Variants in FNTB observed in about 807,000 individuals in gnomAD.
FNTB encodes the protein farnesyltransferase, CAAX box, subunit beta.
Under a neutral mutation model 59.4 loss-of-function variants are expected in FNTB, and 27 were observed. That is an observed-to-expected ratio of 0.45 (90% confidence interval 0.34 to 0.63). The LOEUF (loss-of-function observed/expected upper bound fraction) is 0.63. FNTB is among the 20% of genes least tolerant of loss of function. The probability of loss-of-function intolerance (pLI) is 0.02; values close to 1 mark genes in which losing one functional copy is unlikely to be tolerated. For missense variants in FNTB, 449 were observed against 559.6 expected (o/e 0.80, Z 1.99); for synonymous variants, 230 against 220.7 (o/e 1.04, Z -0.37).
intron 1 of FNTB, among the ~76,000 whole-genome samples, chr14:64,992,846 A>G (rs1566859939): frequency 2.0e-5 from 3 of 150,386 alleles, no homozygotes; most frequent in South Asian, 2.1e-4. Flanking sequence ...AATGATTTCT[A>G]TTTTTTTTTA....
rs983510769 is a variant in FNTB, at chr14:65,029,431, C to G, written c.605+1650C>G. On this transcript the variant is annotated intron_variant, in intron 6 of 11. Coordinates refer to ENST00000246166, the MANE Select transcript of FNTB (RefSeq NM_002028.4). The surrounding 1 kb of genome is among the most constrained non-coding windows in gnomAD (Gnocchi z 4.7). ...GCCCTTCTGGGATAGACAGCAGTCT[C>G]TGGATGATCTTTCTGCTCTGTTACA... 6.6e-6 allele frequency among the ~76,000 whole-genome samples: 1 copy of G among 152,198 alleles called. No homozygotes were observed. Among genetic ancestry groups the G allele is most frequent in the Non-Finnish European group, 1.5e-5 (1 of 68,038 alleles).
chr14:65,048,363 T>C (rs976615632), intron 9 of FNTB, among the ~76,000 whole-genome samples: 1 of 152,148 alleles, frequency 6.6e-6, no homozygotes, highest in Non-Finnish European at 1.5e-5. Context: ...AATTTTATTT[T>C]GGTAAATGTA....
intron 8 of FNTB, among the ~76,000 whole-genome samples, chr14:65,043,150 G>A (rs1019936314): frequency 5.3e-5 from 8 of 152,140 alleles, no homozygotes; most frequent in African/African-American, 9.7e-5. Flanking sequence ...CTGTAAGTCC[G>A]TGGCTGGAAC....
chr14:65,052,480 A>G (rs1318655864), intron 9 of FNTB, among the ~76,000 whole-genome samples: 1 of 152,212 alleles, frequency 6.6e-6, no homozygotes, highest in Non-Finnish European at 1.5e-5. Flanking sequence ...ATATATTTTT[A>G]ATCGATTTCT....
intron 9 of FNTB, among the ~76,000 whole-genome samples, chr14:65,049,523 G>T (rs570943820): frequency 6.6e-6 from 1 of 152,266 alleles, no homozygotes; most frequent in Non-Finnish European, 1.5e-5. Context: ...GTGTGCTGGT[G>T]TCCAAATTCA....
rs530573295 is a variant in FNTB at position 65,028,325 on chromosome 14, C to T, written c.605+544C>T. The stretch of plus-strand genomic sequence containing the variant: ...TTAGCTCGAAATTATTATTTTCTTC[C>T]ATAAGTGTCTGATGTACCAAGCAAG... On this transcript the variant is annotated intron_variant, in intron 6 of 11. Transcript: ENST00000246166. The surrounding 1 kb of genome is among the most constrained non-coding windows in gnomAD (Gnocchi z 4.4). Among the ~76,000 whole-genome samples the T allele has an allele frequency of 1.3e-5, 2 of 152,278 alleles. No individual in the cohort carries two copies. The highest frequency in any genetic ancestry group is 2.1e-4 in the South Asian group (1 of 4,824).
intron 4 of FNTB, among the ~76,000 whole-genome samples, chr14:65,022,336 A>G (rs1190798053): frequency 6.7e-6 from 1 of 148,302 alleles, no homozygotes. Context: ...TATAATTTTT[A>G]TAACTTATCC....
intron 3 of FNTB, among the ~76,000 whole-genome samples, chr14:65,013,326 T>G (rs527793897): frequency 0.033 from 990 of 29,758 alleles, 6 homozygotes; most frequent in Non-Finnish European, 0.043. Context: ...CTTTGTTTCC[T>G]TTTTTTTTTT....
intron 8 of FNTB, among the ~76,000 whole-genome samples, chr14:65,042,825 C>T (rs2062382555): frequency 6.6e-6 from 1 of 152,240 alleles, no homozygotes. Context: ...CGCCTGCTTT[C>T]TCTCTGCCTG....
intron 1 of FNTB, among the ~76,000 whole-genome samples, chr14:64,988,536 G>A (rs1888049140): frequency 6.9e-6 from 1 of 145,008 alleles, no homozygotes; most frequent in Non-Finnish European, 1.5e-5. Context: ...CCGGGTTCAC[G>A]CCATTCGCCT....
chr14:65,061,671 C>T lies in FNTB; in HGVS notation c.*359C>T, dbSNP rs146684676. ...GGCATCCAGAGCCACTGCTGACTCC[C>T]ACTTGCACGCCACCATTCAGTCACC... On this transcript the variant is annotated 3_prime_UTR_variant, in exon 12 of 12. Coordinates refer to ENST00000246166, the MANE Select transcript of FNTB (RefSeq NM_002028.4). 1,109 of 203,966 alleles carry T rather than the reference C, an allele frequency of 5.4e-3. 13 individuals carry two copies. Among genetic ancestry groups the T allele is most frequent in the Middle Eastern group, 0.027 (12 of 452 alleles). The allele number at this position is 203,966 out of a possible 1,614,324, so 12.6% of individuals were successfully genotyped here. A position where few individuals can be genotyped will look rare whatever the true frequency, so the allele number is the denominator to read the frequency against.
At chr14:65,004,439 T>A (rs2061550970) in intron 2 of FNTB, 126 bp downstream of exon 2, 1 of 1,029,818 alleles carries the variant, frequency 9.7e-7, no homozygotes, top group African/African-American at 1.6e-5. Context: ...TTTCTTGTCC[T>A]TGTGGTTACC....
intron 1 of FNTB, among the ~76,000 whole-genome samples, chr14:64,993,007 T>TA (rs1888260590): frequency 6.6e-6 from 1 of 152,160 alleles, no homozygotes; most frequent in African/African-American, 2.4e-5. Flanking sequence ...GGCTACTTTT[T>TA]ATATTTTTTT....
At chr14:65,034,174 T>C (rs938195155) in intron 7 of FNTB, among the ~76,000 whole-genome samples, 4 of 152,300 alleles carry the variant, frequency 2.6e-5, no homozygotes, top group African/African-American at 7.2e-5. Flanking sequence ...CACACGTGCG[T>C]TTTGAGTTGC....
chr14:65,030,808 T>A lies in FNTB; in HGVS notation c.606-1802T>A, dbSNP rs983271922. ...TCTTAGGAGCCCTTAGGAATATACT[T>A]TTTGTTTGTTTTGTTTTGAGATGGA... On this transcript the variant is annotated intron_variant, in intron 6 of 11. Transcript: ENST00000246166. This position sits in a 1 kb window ranked among gnomAD's most constrained non-coding sequence, Gnocchi z 4.5. Among the ~76,000 whole-genome samples, 1 of 151,964 alleles carries A rather than the reference T, an allele frequency of 6.6e-6. No individual in the cohort carries two copies. The highest frequency in any genetic ancestry group is 1.5e-5 in the Non-Finnish European group (1 of 67,972).
intron 4 of FNTB, among the ~76,000 whole-genome samples, chr14:65,022,409 AC>A (rs762454881): frequency 6.6e-6 from 1 of 151,686 alleles, no homozygotes; most frequent in Non-Finnish European, 1.5e-5. Flanking sequence ...TAACCTAAAT[AC>A]TTCTTGCTAC....
At chr14:65,046,655 C>T (rs2062487584) in intron 9 of FNTB, among the ~76,000 whole-genome samples, 1 of 152,026 alleles carries the variant, frequency 6.6e-6, no homozygotes, top group African/African-American at 2.4e-5. Flanking sequence ...AGACAGGAGT[C>T]TGTAAAGAAG....
intron 4 of FNTB, among the ~76,000 whole-genome samples, 155 bp downstream of exon 4, chr14:65,015,871 C>G (rs2061764107): frequency 6.6e-6 from 1 of 152,220 alleles, no homozygotes; most frequent in Non-Finnish European, 1.5e-5. Context: ...CTTCCTGAAA[C>G]TCCTCCACTT....
In FNTB at chr14:65,027,679, C is replaced by T. The variant is rs373906285; in HGVS notation, c.522-19C>T. The T allele has an allele frequency of 9.9e-5, 160 of 1,614,114 alleles. 3 individuals are homozygous for T. In the South Asian group the frequency reaches 1.6e-3, roughly 16 times the overall value. ...ACGCACTGACTGTTGCCTCTCCTACCTCTTTCCCTGTTTCTCAGAGAGAAG... is the reference window on the plus strand; with the variant it reads ...ACGCACTGACTGTTGCCTCTCCTACTTCTTTCCCTGTTTCTCAGAGAGAAG... On this transcript the variant is annotated intron_variant, in intron 5 of 11. Transcript: ENST00000246166. The surrounding 1 kb of genome is among the most constrained non-coding windows in gnomAD (Gnocchi z 5.7).
Sources: allele counts gnomAD v4.1 joint callset (sites outside exome capture counted in the v4.1 genomes callset), GRCh38; gene constraint gnomAD v4.1.1; non-coding constraint Gnocchi (gnomAD v3.1); transcripts MANE v1.5; gene names NCBI Gene and HGNC (gene_info 2026-07-23, HGNC 2026-07-21).